PCDHGA7: variants seen among roughly 807,000 people sequenced by gnomAD.
The protein encoded by PCDHGA7 is protocadherin gamma-A7.
PCDHGA7 carries 44 observed loss-of-function variants against 58.3 expected under a neutral mutation model. The observed-to-expected ratio is 0.75, with a 90% CI of 0.59 to 0.97. PCDHGA7 has a LOEUF of 0.97. Ranked by LOEUF, PCDHGA7 falls within the 50% of genes least tolerant of loss-of-function variation. PCDHGA7 has a pLI of 0.00. For missense variants in PCDHGA7, 1,266 were observed against 1,188.7 expected (o/e 1.06, Z -0.96); for synonymous variants, 516 against 504.2 (o/e 1.02, Z -0.31).
chr5:141,470,768 G>T (rs2099239559), intron 1 of PCDHGA7, among the ~76,000 whole-genome samples: 1 of 152,142 alleles, frequency 6.6e-6, no homozygotes, highest in South Asian at 2.1e-4. Context: ...ACTCACTACA[G>T]TCTTGAATTC....
At position 141,398,135 on chromosome 5, in the gene PCDHGA7, G is replaced by A. The variant is rs771670845; in HGVS notation, c.2424+12812G>A. ...CTGAGGAGAGCAAGAGGGATGGGGAGCGGCGCCGGGGAGCTGGGCCGGGCT... is the reference window on the plus strand; with the variant it reads ...CTGAGGAGAGCAAGAGGGATGGGGAACGGCGCCGGGGAGCTGGGCCGGGCT... On this transcript the variant is annotated intron_variant, in intron 1 of 3. Transcript: ENST00000518325. 4 of 1,556,792 alleles carry A rather than the reference G, an allele frequency of 2.6e-6. No individual in the cohort carries two copies. Among genetic ancestry groups the A allele is most frequent in the Non-Finnish European group, 3.5e-6 (4 of 1,157,318 alleles).
At chr5:141,436,991 T>G (rs1016670604) in intron 1 of PCDHGA7, among the ~76,000 whole-genome samples, 2 of 152,238 alleles carry the variant, frequency 1.3e-5, no homozygotes, top group African/African-American at 4.8e-5. Flanking sequence ...AGAAGCAGTT[T>G]ACTTCAATGG....
intron 1 of PCDHGA7, chr5:141,388,092 T>C: frequency 8.7e-6 from 12 of 1,373,060 alleles, no homozygotes; most frequent in Non-Finnish European, 1.2e-5. Flanking sequence ...GCGCGTCAGT[T>C]CGGAGAAGCC....
chr5:141,393,187 A>T (rs1327222319), intron 1 of PCDHGA7: 1 of 1,613,380 alleles, frequency 6.2e-7, no homozygotes, highest in East Asian at 2.2e-5. Flanking sequence ...GAAATAATTG[A>T]TATTAACGAT....
At chr5:141,407,276 T>C (rs1393118660) in intron 1 of PCDHGA7, among the ~76,000 whole-genome samples, 2 of 152,292 alleles carry the variant, frequency 1.3e-5, no homozygotes, top group East Asian at 3.9e-4. Context: ...AACAAGAAAA[T>C]TGTTACAATT....
chr5:141,439,796 G>A (rs980000701), intron 1 of PCDHGA7: 1 of 152,318 alleles, frequency 6.6e-6, no homozygotes. Flanking sequence ...AATCCAAGAA[G>A]AGTTTGAAAA....
In PCDHGA7 at chr5:141,511,829, G is replaced by A. The variant is rs1181369164; in HGVS notation, c.*656G>A. 1 of 156,774 alleles carries A rather than the reference G, an allele frequency of 6.4e-6. No individual in the cohort carries two copies. Among genetic ancestry groups the A allele is most frequent in the Non-Finnish European group, 1.4e-5 (1 of 70,652 alleles). The allele number at this position is 156,774 out of a possible 1,614,324, so 9.7% of individuals were successfully genotyped here. Reference sequence around the variant, plus strand: ...TACCAAGCCTCTTCCCAACGCCCTGGGGACCAGTCTTCTGTTTTGTTTTTC... The same window carrying A: ...TACCAAGCCTCTTCCCAACGCCCTGAGGACCAGTCTTCTGTTTTGTTTTTC... On this transcript the variant is annotated 3_prime_UTR_variant, in exon 4 of 4. Transcript: ENST00000518325.
At chr5:141,395,497 A>T in intron 1 of PCDHGA7, 1 of 472,724 alleles carries the variant, frequency 2.1e-6, no homozygotes, top group Non-Finnish European at 3.7e-6. Flanking sequence ...TCACTCATTC[A>T]CTTAAGAAGT....
chr5:141,462,959 G>A lies in PCDHGA7; in HGVS notation c.2425-31848G>A, dbSNP rs188938907. 5.1e-3 allele frequency among the ~76,000 whole-genome samples: 776 copies of A among 152,188 alleles called. 5 individuals are homozygous for A. Among genetic ancestry groups the A allele is most frequent in the Non-Finnish European group, 8.2e-3 (557 of 67,994 alleles). On this transcript the variant is annotated intron_variant, in intron 1 of 3. Transcript: ENST00000518325. ...AAGGCTTGTTTTTAAGCTTTGTTAGGACAGGTCTGTAGTAACTTTTGCCTT... is the reference window on the plus strand; with the variant it reads ...AAGGCTTGTTTTTAAGCTTTGTTAGAACAGGTCTGTAGTAACTTTTGCCTT...
chr5:141,491,955 A>T lies in PCDHGA7; in HGVS notation c.2425-2852A>T. Reference sequence around the variant, plus strand: ...GGGACCGACCCCCACCCCTACACTCAAAAAAGGCCGGGGCCTCCTTCGAGC... The same window carrying T: ...GGGACCGACCCCCACCCCTACACTCTAAAAAGGCCGGGGCCTCCTTCGAGC... On this transcript the variant is annotated intron_variant, in intron 1 of 3. Coordinates refer to ENST00000518325, the MANE Select transcript of PCDHGA7 (RefSeq NM_018920.4). This position sits in a 1 kb window ranked among gnomAD's most constrained non-coding sequence, Gnocchi z 6.9. 9.7e-7 allele frequency: 1 copy of T among 1,029,648 alleles called. No homozygotes were observed. The highest frequency in any genetic ancestry group is 2.2e-5 in the South Asian group (1 of 44,530). The allele number at this position is 1,029,648 out of a possible 1,614,324, so 63.8% of individuals were successfully genotyped here. A position where few individuals can be genotyped will look rare whatever the true frequency, so the allele number is the denominator to read the frequency against.
At chr5:141,415,132 C>T (rs752622569) in intron 1 of PCDHGA7, 4 of 1,613,696 alleles carry the variant, frequency 2.5e-6, no homozygotes, top group Non-Finnish European at 3.4e-6. Flanking sequence ...CGTCCAGGAC[C>T]ACGGCCAGCC....
At chr5:141,408,412 G>A in intron 1 of PCDHGA7, 2 of 1,614,052 alleles carry the variant, frequency 1.2e-6, no homozygotes, top group South Asian at 1.1e-5. Flanking sequence ...GAGTGAGCGC[G>A]GAGAAGCTGC....
chr5:141,474,486 C>G (rs531956129), intron 1 of PCDHGA7, among the ~76,000 whole-genome samples: 11 of 152,326 alleles, frequency 7.2e-5, no homozygotes, highest in African/African-American at 2.4e-4. Context: ...TAAATGTATT[C>G]TATCTTCTAA....
intron 1 of PCDHGA7, chr5:141,416,320 A>G (rs1482631457): frequency 1.3e-5 from 2 of 152,208 alleles, no homozygotes; most frequent in East Asian, 1.9e-4. Flanking sequence ...TAGCATTTTA[A>G]TTTAACTTTC....
rs774079222 is a variant in PCDHGA7 at position 141,491,314 on chromosome 5, C to T, written c.2425-3493C>T. On this transcript the variant is annotated intron_variant, in intron 1 of 3. Coordinates refer to ENST00000518325, the MANE Select transcript of PCDHGA7 (RefSeq NM_018920.4). This position sits in a 1 kb window ranked among gnomAD's most constrained non-coding sequence, Gnocchi z 6.9. ...CCCTCCTGAGCGTTCAGACCTTACC[C>T]TTTACCTCATTGTGGCTCTAGCGAC... The T allele has an allele frequency of 1.9e-6, 3 of 1,614,182 alleles. No individual in the cohort carries two copies. In the South Asian group the frequency reaches 3.3e-5, roughly 18 times the overall value.
At chr5:141,468,154 G>A (rs1374898668) in intron 1 of PCDHGA7, among the ~76,000 whole-genome samples, 2 of 151,838 alleles carry the variant, frequency 1.3e-5, no homozygotes, top group African/African-American at 2.4e-5. Flanking sequence ...GTGAAACCCT[G>A]TCTCTGCTAA....
intron 1 of PCDHGA7, chr5:141,408,648 G>A: frequency 2.5e-6 from 4 of 1,613,922 alleles, no homozygotes; most frequent in South Asian, 2.2e-5. Flanking sequence ...GCATCCGCTG[G>A]TACACGACTA....
At chr5:141,399,111 A>C (rs1561667842) in intron 1 of PCDHGA7, 1 of 1,613,732 alleles carries the variant, frequency 6.2e-7, no homozygotes, top group Non-Finnish European at 8.5e-7. Context: ...CACAATGTAC[A>C]GTTGAAATTA....
Position 141,423,337 on chromosome 5 carries a change from A to G in PCDHGA7, c.2424+38014A>G, listed in dbSNP as rs769321122. The G allele has an allele frequency of 6.0e-5, 97 of 1,614,180 alleles. 1 individual carries two copies. The African/African-American group carries it at 8.9e-4, about 15-fold the overall frequency. ...GGTGGCGGTGGCCGCAGTCTCCTGC[A>G]TCTTCCTGGTCTTTGTCATCGTGCT... On this transcript the variant is annotated intron_variant, in intron 1 of 3. Coordinates refer to ENST00000518325, the MANE Select transcript of PCDHGA7 (RefSeq NM_018920.4).
Sources: allele counts gnomAD v4.1 joint callset (sites outside exome capture counted in the v4.1 genomes callset), GRCh38; gene constraint gnomAD v4.1.1; non-coding constraint Gnocchi (gnomAD v3.1); transcripts MANE v1.5; gene names NCBI Gene and HGNC (gene_info 2026-07-23, HGNC 2026-07-21).